Variants in DPP6 observed in about 807,000 individuals in gnomAD.
DPP6 encodes dipeptidyl peptidase like 6, also known as A-type potassium channel modulatory protein DPP6.
Under a neutral mutation model 122.6 loss-of-function variants are expected in DPP6, and 69 were observed. That is an observed-to-expected ratio of 0.56 (90% CI 0.46 to 0.69). The LOEUF (loss-of-function observed/expected upper bound fraction) is 0.69, where lower values mean the gene tolerates loss of function less well. Among genes scored for constraint, DPP6 ranks in the 30% least tolerant of loss-of-function variants. The probability of loss-of-function intolerance (pLI) is 0.00; values close to 1 mark genes in which losing one functional copy is unlikely to be tolerated. For missense variants in DPP6, 928 were observed against 1,116.9 expected, an observed-to-expected ratio of 0.83 and a Z score of 2.41; for synonymous variants, 418 against 433.1, an observed-to-expected ratio of 0.97 and a Z score of 0.43.
At position 154,760,295 on chromosome 7, in the gene DPP6, A is replaced by G. The variant is rs1380020875; in HGVS notation, c.884-9122A>G. Among the ~76,000 whole-genome samples, 1 of 152,160 alleles carries G rather than the reference A, an allele frequency of 6.6e-6. No homozygotes were observed. Among genetic ancestry groups the G allele is most frequent in the East Asian group, 1.9e-4 (1 of 5,186 alleles). On this transcript the variant is annotated intron_variant, in intron 8 of 25. Coordinates refer to ENST00000377770, the MANE Select transcript of DPP6 (RefSeq NM_130797.4). The surrounding 1 kb of genome is among the most constrained non-coding windows in gnomAD (Gnocchi z 4.5). Reference sequence around the variant, plus strand: ...GGGGAGGTTTGGAAAGTCCTTCAGCACACACAATTATTTCTTCACGATTAC... The same window carrying G: ...GGGGAGGTTTGGAAAGTCCTTCAGCGCACACAATTATTTCTTCACGATTAC...
At chr7:154,298,726 C>T (rs970929692) in intron 1 of DPP6, among the ~76,000 whole-genome samples, 2 of 152,166 alleles carry the variant, frequency 1.3e-5, no homozygotes, top group African/African-American at 2.4e-5. Context: ...CCATACCCTG[C>T]TGGGAGGGAA....
intron 3 of DPP6, among the ~76,000 whole-genome samples, chr7:154,500,572 T>C (rs894790140): frequency 6.6e-6 from 1 of 152,148 alleles, no homozygotes; most frequent in Non-Finnish European, 1.5e-5. Flanking sequence ...TCTGATGGTT[T>C]TAAAAAGGGG....
chr7:154,411,766 G>T (rs1288341608), intron 1 of DPP6, among the ~76,000 whole-genome samples: 1 of 152,094 alleles, frequency 6.6e-6, no homozygotes, highest in Non-Finnish European at 1.5e-5. Context: ...ACCTGGTATT[G>T]CTTGTGTGGA....
intron 1 of DPP6, among the ~76,000 whole-genome samples, chr7:154,066,413 G>T (rs1002196676): frequency 6.6e-6 from 1 of 152,156 alleles, no homozygotes; most frequent in Non-Finnish European, 1.5e-5. Flanking sequence ...TGTCCCTACT[G>T]AACAGAGCCC....
intron 3 of DPP6, among the ~76,000 whole-genome samples, chr7:154,495,252 C>A (rs1586450091): frequency 6.6e-6 from 1 of 152,150 alleles, no homozygotes; most frequent in Non-Finnish European, 1.5e-5. Flanking sequence ...TTTCTGCAGG[C>A]CCCTCTCTAG....
intron 2 of DPP6, among the ~76,000 whole-genome samples, chr7:154,447,444 A>G (rs1384426742): frequency 2.0e-5 from 3 of 152,180 alleles, no homozygotes; most frequent in African/African-American, 4.8e-5. Flanking sequence ...AATTCTCAGT[A>G]AATACATACA....
At chr7:153,901,797 T>C (rs981479647) in intron 1 of DPP6, among the ~76,000 whole-genome samples, 10 of 151,912 alleles carry the variant, frequency 6.6e-5, no homozygotes, top group African/African-American at 2.4e-4. Context: ...ATTCAGGTTG[T>C]TACATGGTCT....
In DPP6 at chr7:154,237,897, G is replaced by C. The variant is rs368110631; in HGVS notation, c.243+184834G>C. Among the ~76,000 whole-genome samples, 259 of 152,268 alleles carry C rather than the reference G, an allele frequency of 1.7e-3. 1 individual carries two copies. Among genetic ancestry groups the C allele is most frequent in the African/African-American group, 6.1e-3 (253 of 41,536 alleles). ...CTGGGAGCGTGTAAGTCCATCTCTG[G>C]GCAGGGAAGCTGACCAGAGATGCAG... On this transcript the variant is annotated intron_variant, in intron 1 of 25. Coordinates refer to ENST00000377770, the MANE Select transcript of DPP6 (RefSeq NM_130797.4).
chr7:154,867,918 A>G, intron 17 of DPP6, 77 bp from the exon 18 acceptor site: 1 of 1,472,902 alleles, frequency 6.8e-7, no homozygotes, highest in Non-Finnish European at 9.0e-7. Context: ...AGTTACGCAC[A>G]TGAAAAGCCA....
At chr7:154,819,163 C>T (rs1377322410) in intron 16 of DPP6, among the ~76,000 whole-genome samples, 2 of 152,128 alleles carry the variant, frequency 1.3e-5, no homozygotes, top group Non-Finnish European at 2.9e-5. Context: ...GCCTGTAATG[C>T]CAGCATTTTG....
At chr7:154,167,849 A>G (rs536391651) in intron 1 of DPP6, among the ~76,000 whole-genome samples, 22 of 152,346 alleles carry the variant, frequency 1.4e-4, no homozygotes, top group Non-Finnish European at 2.6e-4. Flanking sequence ...TTTAATCCCT[A>G]CAAAATGTCA....
At chr7:154,242,693 G>A (rs991019939) in intron 1 of DPP6, among the ~76,000 whole-genome samples, 1 of 152,208 alleles carries the variant, frequency 6.6e-6, no homozygotes, top group Non-Finnish European at 1.5e-5. Flanking sequence ...CTGACCTGAG[G>A]AGGAGATTGG....
chr7:154,640,250 C>CAAACA (rs540443661), intron 6 of DPP6, among the ~76,000 whole-genome samples: 1 of 150,472 alleles, frequency 6.6e-6, no homozygotes, highest in Non-Finnish European at 1.5e-5. Context: ...GAGACTCTGT[C>CAAACA]AAACAAAAAC....
the DPP6 span, among the ~76,000 whole-genome samples, chr7:153,759,915 GTC>G: frequency 6.8e-4 from 86 of 127,368 alleles, no homozygotes; most frequent in Admixed American, 8.6e-4. Context: ...CTCTGTTTCT[GTC>G]TCTCTCTCTC....
chr7:154,352,673 T>TG (rs1378469516), intron 1 of DPP6, among the ~76,000 whole-genome samples: 1 of 150,206 alleles, frequency 6.7e-6, no homozygotes, highest in Non-Finnish European at 1.5e-5. Flanking sequence ...TGGGGCCTAT[T>TG]GGGGGGTGTG....
chr7:153,803,763 A>G, the DPP6 span, among the ~76,000 whole-genome samples: 1 of 151,400 alleles, frequency 6.6e-6, no homozygotes, highest in African/African-American at 2.4e-5. Flanking sequence ...TTATATATAA[A>G]CTTACATATA....
At chr7:154,152,389 C>T (rs1181269515) in intron 1 of DPP6, among the ~76,000 whole-genome samples, 1 of 152,168 alleles carries the variant, frequency 6.6e-6, no homozygotes, top group South Asian at 2.1e-4. Flanking sequence ...GCTCTCTGGA[C>T]CCTCTGTCTC....
intron 3 of DPP6, among the ~76,000 whole-genome samples, chr7:154,521,710 A>T (rs7785208): frequency 0.14 from 21,457 of 152,208 alleles, 1,718 homozygotes; most frequent in Non-Finnish European, 0.17. Flanking sequence ...AGTACTTATC[A>T]ATGTCATTAC....
chr7:154,374,904 G>T (rs1458225381), intron 1 of DPP6, among the ~76,000 whole-genome samples: 1 of 152,178 alleles, frequency 6.6e-6, no homozygotes, highest in Non-Finnish European at 1.5e-5. Flanking sequence ...GAGCCACCGC[G>T]CCCGGCCGAC....
Sources: gnomAD v4.1 joint callset for allele counts (sites outside exome capture counted in the v4.1 genomes callset) on GRCh38, gnomAD v4.1.1 for gene constraint, Gnocchi (gnomAD v3.1) non-coding constraint, MANE v1.5 for transcripts, NCBI Gene and HGNC (gene_info 2026-07-23, HGNC 2026-07-21) for gene names.